The following GPC6 variants were observed in gnomAD, a reference collection of about 807,000 sequenced individuals.
GPC6 encodes the protein glypican 6.
In GPC6, 14 loss-of-function variants were observed where a neutral mutation model predicts 55.2. The observed-to-expected ratio is 0.25, with a 90% CI of 0.17 to 0.40. The LOEUF is 0.40. GPC6 is among the 10% of genes least tolerant of loss of function. The pLI is 1.00. For missense variants in GPC6, 641 were observed against 708.5 expected (o/e 0.90, Z 1.08); for synonymous variants, 278 against 259.6 (o/e 1.07, Z -0.68).
chr13:93,880,706 A>T (rs1874909445), intron 3 of GPC6, among the ~76,000 whole-genome samples: 1 of 152,094 alleles, frequency 6.6e-6, no homozygotes, highest in Non-Finnish European at 1.5e-5. Context: ...CTAAAACTTA[A>T]AGTATAATAA....
rs149183066 is a variant in GPC6, at chr13:94,223,143, A to G, written c.878-63206A>G. 2.3e-3 allele frequency among the ~76,000 whole-genome samples: 355 copies of G among 152,268 alleles called. 1 individual carries two copies. Among genetic ancestry groups the G allele is most frequent in the African/African-American group, 7.7e-3 (318 of 41,560 alleles). On this transcript the variant is annotated intron_variant, in intron 4 of 8. Transcript: ENST00000377047. ...AAAGTGTTTTTTAATAGTTTTTAAC[A>G]TGAAAAAAGAAGAAGTGTATATGTT...
At chr13:94,150,755 C>T (rs1287503633) in intron 4 of GPC6, among the ~76,000 whole-genome samples, 2 of 141,644 alleles carry the variant, frequency 1.4e-5, no homozygotes, top group Admixed American at 7.4e-5. Flanking sequence ...GAAGAGATAT[C>T]TAAGTTGAAA....
intron 2 of GPC6, among the ~76,000 whole-genome samples, chr13:93,783,421 A>G (rs947084044): frequency 6.6e-6 from 1 of 152,240 alleles, no homozygotes; most frequent in Admixed American, 6.5e-5. Context: ...TTCTACAGTG[A>G]TTGAACTAAA....
intron 2 of GPC6, among the ~76,000 whole-genome samples, chr13:93,641,478 C>T (rs1879938215): frequency 6.6e-6 from 1 of 152,046 alleles, no homozygotes; most frequent in African/African-American, 2.4e-5. Context: ...CTTTCTTTCT[C>T]CATGTGTAAA....
chr13:94,353,420 G>A (rs527680442), intron 6 of GPC6, among the ~76,000 whole-genome samples: 1 of 152,306 alleles, frequency 6.6e-6, no homozygotes, highest in East Asian at 1.9e-4. Context: ...TCATGAAAAT[G>A]AGATGCTGCA....
At chr13:93,939,725 C>A (rs1185763781) in intron 3 of GPC6, among the ~76,000 whole-genome samples, 1 of 152,070 alleles carries the variant, frequency 6.6e-6, no homozygotes, top group South Asian at 2.1e-4. Flanking sequence ...GCTAGGATTA[C>A]AGGCATGAGC....
chr13:94,256,204 C>A (rs1053001659), intron 4 of GPC6, among the ~76,000 whole-genome samples: 2 of 152,016 alleles, frequency 1.3e-5, no homozygotes, highest in African/African-American at 4.8e-5. Flanking sequence ...CAAGAAGGAG[C>A]AAATATTGTG....
intron 6 of GPC6, among the ~76,000 whole-genome samples, chr13:94,309,769 T>C (rs1876143094): frequency 7.1e-6 from 1 of 141,348 alleles, no homozygotes; most frequent in African/African-American, 2.5e-5. Context: ...AGGATACTAA[T>C]GTTATCAACT....
intron 3 of GPC6, among the ~76,000 whole-genome samples, chr13:93,868,114 C>G (rs1429428679): frequency 6.6e-6 from 1 of 151,754 alleles, no homozygotes; most frequent in African/African-American, 2.4e-5. Context: ...GGAGACTTCA[C>G]ACATGCTAAA....
chr13:93,326,602 A>G (rs899228493), intron 1 of GPC6, among the ~76,000 whole-genome samples: 2 of 152,230 alleles, frequency 1.3e-5, no homozygotes, highest in Non-Finnish European at 2.9e-5. Flanking sequence ...CAGAAAGTCC[A>G]TAATCTCTAG....
At chr13:94,227,353 T>G (rs1890590441) in intron 4 of GPC6, among the ~76,000 whole-genome samples, 1 of 152,104 alleles carries the variant, frequency 6.6e-6, no homozygotes, top group Non-Finnish European at 1.5e-5. Flanking sequence ...AAAAATCACT[T>G]AAAAAATTCG....
chr13:94,095,693 T>C (rs1237187364), intron 4 of GPC6, among the ~76,000 whole-genome samples: 1 of 152,090 alleles, frequency 6.6e-6, no homozygotes, highest in African/African-American at 2.4e-5. Flanking sequence ...GAAAGAGTCA[T>C]GGGATCAGAG....
intron 2 of GPC6, among the ~76,000 whole-genome samples, chr13:93,596,610 A>AATAT (rs66682625): frequency 3.7e-4 from 49 of 132,868 alleles, no homozygotes; most frequent in East Asian, 6.3e-4. Flanking sequence ...TAAATAAATA[A>AATAT]ATATATATAT....
chr13:93,961,807 C>CT (rs141437331), intron 3 of GPC6, among the ~76,000 whole-genome samples: 19,451 of 147,228 alleles, frequency 0.13, 1,569 homozygotes, highest in East Asian at 0.24. Context: ...TTTCTCCCCT[C>CT]CTTTTTTTTT....
intron 2 of GPC6, among the ~76,000 whole-genome samples, chr13:93,672,880 A>G (rs1259746728): frequency 2.6e-5 from 4 of 152,074 alleles, no homozygotes; most frequent in Non-Finnish European, 5.9e-5. Flanking sequence ...AATATTTTCA[A>G]TGAGGTATAT....
chr13:93,288,562 G>A (rs1324430197), intron 1 of GPC6, among the ~76,000 whole-genome samples: 3 of 152,070 alleles, frequency 2.0e-5, no homozygotes, highest in Non-Finnish European at 2.9e-5. Context: ...GTGATATTTA[G>A]ATGTATGTAA....
At chr13:93,496,239 T>A (rs1325912757) in intron 1 of GPC6, among the ~76,000 whole-genome samples, 2 of 152,190 alleles carry the variant, frequency 1.3e-5, no homozygotes, top group African/African-American at 4.8e-5. Flanking sequence ...CGCCGTTTTT[T>A]AAGCTGGTCT....
At chr13:93,669,975 G>A (rs925142988) in intron 2 of GPC6, among the ~76,000 whole-genome samples, 11 of 152,310 alleles carry the variant, frequency 7.2e-5, no homozygotes, top group African/African-American at 2.4e-4. Context: ...AGGAGGAAGG[G>A]TTGTGGTTAC....
intron 4 of GPC6, among the ~76,000 whole-genome samples, chr13:94,257,350 A>G (rs1444502036): frequency 6.6e-6 from 1 of 152,198 alleles, no homozygotes; most frequent in Admixed American, 6.5e-5. Flanking sequence ...AGAACAGCAA[A>G]TCTGTCAATC....
Sources: gnomAD v4.1 joint callset for allele counts (sites outside exome capture counted in the v4.1 genomes callset) on GRCh38, gnomAD v4.1.1 for gene constraint, MANE v1.5 for transcripts, NCBI Gene and HGNC (gene_info 2026-07-23, HGNC 2026-07-21) for gene names.